The following RBMS3 variants were observed in gnomAD, a reference collection of about 807,000 sequenced individuals.
The protein encoded by RBMS3 is RNA binding motif single stranded interacting protein 3, also known as RNA-binding motif, single-stranded-interacting protein 3.
RBMS3 carries 27 observed loss-of-function variants against 66.8 expected under a neutral mutation model. The ratio of observed to expected loss-of-function variants is 0.40; its 90% CI spans 0.30 to 0.56. The LOEUF is 0.56. RBMS3 is among the 20% of genes least tolerant of loss of function. The probability of loss-of-function intolerance (pLI) is 0.40; values close to 1 mark genes in which losing one functional copy is unlikely to be tolerated. For missense variants in RBMS3, 513 were observed against 549.5 expected (o/e 0.93, Z 0.66); for synonymous variants, 188 against 183.0 (o/e 1.03, Z -0.22).
At chr3:29,424,433 T>C (rs2053288) in intron 1 of RBMS3, among the ~76,000 whole-genome samples, 66,150 of 151,960 alleles carry the variant, frequency 0.44, 14,684 homozygotes, top group African/African-American at 0.52. Flanking sequence ...AGATAACATA[T>C]TAAGGTATAG....
At chr3:29,780,944 A>G (rs906902576) in intron 6 of RBMS3, among the ~76,000 whole-genome samples, 1 of 152,158 alleles carries the variant, frequency 6.6e-6, no homozygotes, top group Non-Finnish European at 1.5e-5. Flanking sequence ...ATGTTAAAAT[A>G]TAGAACAGTT....
intron 1 of RBMS3, among the ~76,000 whole-genome samples, chr3:29,323,154 G>A (rs1482532108): frequency 1.3e-5 from 2 of 152,110 alleles, no homozygotes; most frequent in East Asian, 1.9e-4. Context: ...ACCTTTGAAG[G>A]TGCTGCTCTG....
At chr3:29,562,004 C>G (rs1031145362) in intron 3 of RBMS3, among the ~76,000 whole-genome samples, 1 of 151,970 alleles carries the variant, frequency 6.6e-6, no homozygotes, top group Admixed American at 6.6e-5. Flanking sequence ...ATATGAGAAA[C>G]ACAGTGTAGT....
chr3:29,736,136 A>G (rs913418932), intron 4 of RBMS3, among the ~76,000 whole-genome samples: 6 of 152,206 alleles, frequency 3.9e-5, no homozygotes, highest in East Asian at 3.8e-4. Context: ...TTTAAAGTTT[A>G]TTTTATGCAT....
chr3:29,570,380 A>G lies in RBMS3; in HGVS notation c.308-16734A>G, dbSNP rs141574231. Among the ~76,000 whole-genome samples, 76 of 152,228 alleles carry G rather than the reference A, an allele frequency of 5.0e-4. 2 individuals carry two copies. Among genetic ancestry groups the G allele is most frequent in the African/African-American group, 1.8e-3 (74 of 41,554 alleles). ...TGTACAATTAAATTATTTTGACTGT[A>G]GTCACCCTGTTGTGCTATCAAATAC... On this transcript the variant is annotated intron_variant, in intron 3 of 14. Coordinates refer to ENST00000383767, the MANE Select transcript of RBMS3 (RefSeq NM_001003793.3).
intron 4 of RBMS3, among the ~76,000 whole-genome samples, chr3:29,699,725 A>G (rs1476387768): frequency 6.6e-6 from 1 of 152,204 alleles, no homozygotes; most frequent in African/African-American, 2.4e-5. Flanking sequence ...CCACTTATCC[A>G]TAACGTACAG....
chr3:29,708,598 A>T (rs945938460), intron 4 of RBMS3, among the ~76,000 whole-genome samples: 1 of 152,156 alleles, frequency 6.6e-6, no homozygotes, highest in Admixed American at 6.5e-5. Flanking sequence ...TTCCCACCCA[A>T]GATGCTAGGA....
intron 4 of RBMS3, among the ~76,000 whole-genome samples, chr3:29,607,546 G>C (rs1183663110): frequency 6.6e-6 from 1 of 151,944 alleles, no homozygotes. Context: ...CATTTTTGGA[G>C]TTACTATTTC....
intron 1 of RBMS3, among the ~76,000 whole-genome samples, chr3:29,334,054 G>A (rs966919942): frequency 6.6e-6 from 1 of 151,964 alleles, no homozygotes; most frequent in Admixed American, 6.6e-5. Flanking sequence ...CTGTACAGCG[G>A]GACTATACTA....
At chr3:29,307,183 A>T (rs1015044475) in intron 1 of RBMS3, among the ~76,000 whole-genome samples, 6 of 151,800 alleles carry the variant, frequency 4.0e-5, no homozygotes, top group Admixed American at 2.0e-4. Context: ...CACTGACCAA[A>T]TGTTTCCACC....
chr3:29,499,209 T>C (rs3821569), intron 3 of RBMS3, among the ~76,000 whole-genome samples: 20,221 of 152,180 alleles, frequency 0.13, 1,999 homozygotes, highest in African/African-American at 0.28. Context: ...TTTTAAACTA[T>C]GGTAAAAGCA....
intron 4 of RBMS3, among the ~76,000 whole-genome samples, chr3:29,669,981 C>T (rs2050927126): frequency 1.3e-5 from 2 of 152,158 alleles, no homozygotes; most frequent in Non-Finnish European, 1.5e-5. Flanking sequence ...TAAGGGCTTT[C>T]AACTTAACAT....
chr3:29,554,872 G>C (rs2046293526), intron 3 of RBMS3, among the ~76,000 whole-genome samples: 1 of 152,056 alleles, frequency 6.6e-6, no homozygotes, highest in Non-Finnish European at 1.5e-5. Context: ...CAATTCCTCT[G>C]TAAGCAAAAA....
At chr3:29,470,068 A>G (rs2042670536) in intron 2 of RBMS3, among the ~76,000 whole-genome samples, 1 of 148,892 alleles carries the variant, frequency 6.7e-6, no homozygotes, top group African/African-American at 2.4e-5. Flanking sequence ...TTTAATTTAA[A>G]CTTCAATAAT....
chr3:29,922,965 A>T (rs953701648), intron 10 of RBMS3, among the ~76,000 whole-genome samples: 2 of 152,226 alleles, frequency 1.3e-5, no homozygotes, highest in Non-Finnish European at 2.9e-5. Flanking sequence ...ACTCAAACTA[A>T]TTGAAGTGGT....
intron 4 of RBMS3, among the ~76,000 whole-genome samples, chr3:29,664,300 C>A (rs560980562): frequency 1.3e-5 from 2 of 152,138 alleles, no homozygotes; most frequent in South Asian, 4.2e-4. Flanking sequence ...CCATCCTAGC[C>A]AACATGGTGA....
intron 6 of RBMS3, among the ~76,000 whole-genome samples, chr3:29,852,922 A>G (rs2058972013): frequency 6.6e-6 from 1 of 152,256 alleles, no homozygotes; most frequent in Non-Finnish European, 1.5e-5. Flanking sequence ...ATGCCCATCA[A>G]TGACAGATTA....
At chr3:29,557,386 T>C (rs2046402230) in intron 3 of RBMS3, among the ~76,000 whole-genome samples, 1 of 152,230 alleles carries the variant, frequency 6.6e-6, no homozygotes, top group Non-Finnish European at 1.5e-5. Flanking sequence ...AATGTCATTC[T>C]TTCCATACCC....
chr3:29,976,145 G>A (rs1697571101), intron 12 of RBMS3, among the ~76,000 whole-genome samples: 1 of 151,448 alleles, frequency 6.6e-6, no homozygotes, highest in Non-Finnish European at 1.5e-5. Context: ...ATACAATTTT[G>A]TATGCCACTA....
Sources: allele counts gnomAD v4.1 joint callset (sites outside exome capture counted in the v4.1 genomes callset), GRCh38; gene constraint gnomAD v4.1.1; transcripts MANE v1.5; gene names NCBI Gene and HGNC (gene_info 2026-07-23, HGNC 2026-07-21).